The following TSPAN18 variants were observed in gnomAD, a reference collection of about 807,000 sequenced individuals.
TSPAN18 encodes tetraspanin-18.
TSPAN18 carries 14 observed loss-of-function variants against 27.3 expected under a neutral mutation model. The observed-to-expected ratio is 0.51, with a 90% confidence interval of 0.34 to 0.80. TSPAN18 has a LOEUF of 0.80. TSPAN18 is among the 30% of genes least tolerant of loss of function. The pLI, the probability that TSPAN18 is intolerant of heterozygous loss-of-function variation, is 0.01. For missense variants in TSPAN18, 268 were observed against 323.9 expected (o/e 0.83, Z 1.32); for synonymous variants, 143 against 136.5 (o/e 1.05, Z -0.33).
At chr11:44,730,895 A>G (rs1212848965) in intron 1 of TSPAN18, among the ~76,000 whole-genome samples, 4 of 152,142 alleles carry the variant, frequency 2.6e-5, no homozygotes, top group Non-Finnish European at 4.4e-5. Context: ...AAGTGCTGAG[A>G]TTACAGGCGT....
intron 2 of TSPAN18, among the ~76,000 whole-genome samples, chr11:44,856,413 C>T (rs1403155002): frequency 6.6e-6 from 1 of 152,122 alleles, no homozygotes; most frequent in African/African-American, 2.4e-5. Flanking sequence ...GTACCCTGTG[C>T]CTTTGTTTGC....
chr11:44,790,532 A>G (rs1471758063), intron 2 of TSPAN18, among the ~76,000 whole-genome samples: 1 of 101,594 alleles, frequency 9.8e-6, no homozygotes, highest in Non-Finnish European at 2.0e-5. Flanking sequence ...TGGTGTGTGC[A>G]TGTGTGTGCA....
intron 2 of TSPAN18, among the ~76,000 whole-genome samples, chr11:44,785,481 C>T (rs1299582422): frequency 6.6e-6 from 1 of 152,064 alleles, no homozygotes; most frequent in East Asian, 1.9e-4. Flanking sequence ...GTTTTTCCCC[C>T]CTCGTACAAA....
chr11:44,888,945 G>C, intron 3 of TSPAN18, among the ~76,000 whole-genome samples: 1 of 152,158 alleles, frequency 6.6e-6, no homozygotes, highest in East Asian at 1.9e-4. Flanking sequence ...AGCAGTTTCC[G>C]CCATGTTGTT....
At position 44,919,260 on chromosome 11, in the gene TSPAN18, G is replaced by A; in HGVS notation, c.380G>A (p.Gly127Asp). Reference sequence around the variant, plus strand: ...AAGGAGCTCACCAAGCACTACCAGGGCAATAACGACACAGACGTCTTCTCT... The same window carrying A: ...AAGGAGCTCACCAAGCACTACCAGGACAATAACGACACAGACGTCTTCTCT... ...FTKELTKHYQ[G>D]NNDTDVFSAT... The change falls in exon 7 of 10, where the codon GGC becomes GAC. Residue 127 changes from glycine (G) to aspartate (D), a missense_variant. Coordinates refer to ENST00000520358, the MANE Select transcript of TSPAN18 (RefSeq NM_130783.5). The A allele has an allele frequency of 6.2e-7, 1 of 1,614,100 alleles. No individual in the cohort carries two copies. The highest frequency in any genetic ancestry group is 8.5e-7 in the Non-Finnish European group (1 of 1,180,002).
At chr11:44,744,824 G>A (rs556518716) in intron 1 of TSPAN18, among the ~76,000 whole-genome samples, 57 of 152,310 alleles carry the variant, frequency 3.7e-4, no homozygotes, top group African/African-American at 1.3e-3. Context: ...GGGTAGCATG[G>A]TGTGGTAGTA....
In TSPAN18 at chr11:44,917,959, C is replaced by T; in HGVS notation, c.259-13C>T. On this transcript the variant is annotated splice_polypyrimidine_tract_variant and intron_variant, in intron 5 of 9. Coordinates refer to ENST00000520358, the MANE Select transcript of TSPAN18 (RefSeq NM_130783.5). ...TGCCCTCTGGGCTCACAAGGCTGTTCCTCTCCCTGCAGTTCTTCCTGTTCA... is the reference window on the plus strand; with the variant it reads ...TGCCCTCTGGGCTCACAAGGCTGTTTCTCTCCCTGCAGTTCTTCCTGTTCA... 6.2e-7 allele frequency: 1 copy of T among 1,613,984 alleles called. No homozygotes were observed.
At chr11:44,829,167 A>T (rs958043491) in intron 2 of TSPAN18, among the ~76,000 whole-genome samples, 9 of 152,242 alleles carry the variant, frequency 5.9e-5, no homozygotes, top group Non-Finnish European at 1.3e-4. Flanking sequence ...CATTTGTTAC[A>T]GTTGAACCAA....
chr11:44,763,813 C>T (rs1031906575), intron 1 of TSPAN18, among the ~76,000 whole-genome samples: 2 of 152,114 alleles, frequency 1.3e-5, no homozygotes, highest in African/African-American at 4.8e-5. Context: ...TCCTGGGAAG[C>T]TTTGTGGGGC....
At position 44,788,456 on chromosome 11, in the gene TSPAN18, C is replaced by CTTTTTTTTTTT. The variant is rs11458938; in HGVS notation, c.-153+23953_-153+23963dup. On this transcript the variant is annotated intron_variant, in intron 2 of 9. Coordinates refer to ENST00000520358, the MANE Select transcript of TSPAN18 (RefSeq NM_130783.5). ...TGGAGGATGGGTTTTCTTTTTTTCT[C>CTTTTTTTTTTT]TTTTTTTTTTTTTTTTTTTGAGCCA... is the stretch of plus-strand genomic sequence containing the variant. 4.6e-4 allele frequency among the ~76,000 whole-genome samples: 58 copies of CTTTTTTTTTTT among 126,772 alleles called. 2 individuals are homozygous for CTTTTTTTTTTT. The highest frequency in any genetic ancestry group is 1.5e-3 in the African/African-American group (51 of 33,070). The allele number at this position is 126,772 out of a possible 152,430, so 83.2% of individuals were successfully genotyped here.
intron 3 of TSPAN18, among the ~76,000 whole-genome samples, chr11:44,895,447 G>A (rs1859007803): frequency 6.6e-6 from 1 of 152,222 alleles, no homozygotes; most frequent in African/African-American, 2.4e-5. Context: ...AGCTGGCCAA[G>A]GCAGAAACCA....
At chr11:44,919,429 C>A in intron 7 of TSPAN18, 117 bp downstream of exon 7, 1 of 910,320 alleles carries the variant, frequency 1.1e-6, no homozygotes, top group Non-Finnish European at 1.8e-6. Context: ...ACAGACCTGG[C>A]CTTGGAATCA....
intron 3 of TSPAN18, among the ~76,000 whole-genome samples, chr11:44,880,606 G>A (rs1007695656): frequency 6.6e-6 from 1 of 152,204 alleles, no homozygotes; most frequent in Non-Finnish European, 1.5e-5. Context: ...TGAGAAGTAG[G>A]CCACTGAGAG....
chr11:44,838,151 A>G (rs1402852367), intron 2 of TSPAN18, among the ~76,000 whole-genome samples: 1 of 152,228 alleles, frequency 6.6e-6, no homozygotes, highest in Non-Finnish European at 1.5e-5. Flanking sequence ...GCTGCTAATA[A>G]AGATATGCCC....
rs1590671474 is a variant in TSPAN18, at chr11:44,908,831, A to AAAGAAAGAG, written c.64-873_64-872insAGAAAGAGA. ...AGAAAGAAAGAAAGAAAGAAAGAAA[A>AAAGAAAGAG]AGAAAAATGGAGCAGATATTTATTG... On this transcript the variant is annotated intron_variant, in intron 4 of 9. Transcript: ENST00000520358. Among the ~76,000 whole-genome samples, 117 of 96,236 alleles carry AAAGAAAGAG rather than the reference A, an allele frequency of 1.2e-3. 17 individuals are homozygous for AAAGAAAGAG. The highest frequency in any genetic ancestry group is 4.7e-3 in the African/African-American group (112 of 23,804). The allele number at this position is 96,236 out of a possible 152,430, so 63.1% of individuals were successfully genotyped here. A position where few individuals can be genotyped will look rare whatever the true frequency, so the allele number is the denominator to read the frequency against.
chr11:44,795,603 A>G (rs1412711086), intron 2 of TSPAN18, among the ~76,000 whole-genome samples: 1 of 152,004 alleles, frequency 6.6e-6, no homozygotes, highest in African/African-American at 2.4e-5. Flanking sequence ...CTGGACTTCC[A>G]GGGATGAGTT....
At chr11:44,879,890 A>G (rs1018730634) in intron 3 of TSPAN18, among the ~76,000 whole-genome samples, 1 of 152,350 alleles carries the variant, frequency 6.6e-6, no homozygotes, top group Middle Eastern at 3.4e-3. Flanking sequence ...GTCTTTGGTC[A>G]AGGGATGAGT....
At chr11:44,747,621 G>C (rs921602045) in intron 1 of TSPAN18, among the ~76,000 whole-genome samples, 1 of 152,120 alleles carries the variant, frequency 6.6e-6, no homozygotes, top group Non-Finnish European at 1.5e-5. Flanking sequence ...AATTGCCTGT[G>C]TCTCAGAACA....
intron 4 of TSPAN18, among the ~76,000 whole-genome samples, chr11:44,909,185 C>T (rs1228962872): frequency 1.3e-5 from 2 of 152,168 alleles, no homozygotes; most frequent in Admixed American, 6.5e-5. Flanking sequence ...TCTGTGTCTT[C>T]CCAGCCCCTA....
Sources: allele counts gnomAD v4.1 joint callset (sites outside exome capture counted in the v4.1 genomes callset), GRCh38; gene constraint gnomAD v4.1.1; transcripts MANE v1.5; gene names NCBI Gene and HGNC (gene_info 2026-07-23, HGNC 2026-07-21).